RANBP10: variants seen among roughly 807,000 people sequenced by gnomAD.
RANBP10 encodes the protein RAN binding protein 10.
Under a neutral mutation model 72.8 loss-of-function variants are expected in RANBP10, and 24 were observed. The observed-to-expected ratio is 0.33, with a 90% CI of 0.24 to 0.46. RANBP10 has a LOEUF of 0.46. Ranked by LOEUF, RANBP10 falls within the 20% of genes least tolerant of loss-of-function variation. The pLI, the probability that RANBP10 is intolerant of heterozygous loss-of-function variation, is 1.00. For missense variants in RANBP10, 679 were observed against 817.5 expected, an observed-to-expected ratio of 0.83 and a Z score of 2.07; for synonymous variants, 310 against 322.3, an observed-to-expected ratio of 0.96 and a Z score of 0.41.
chr16:67,735,971 C>T (rs2053838746), intron 5 of RANBP10, among the ~76,000 whole-genome samples: 1 of 152,098 alleles, frequency 6.6e-6, no homozygotes, highest in Non-Finnish European at 1.5e-5. Flanking sequence ...AGGCTCCCTG[C>T]TTTCCACCTA....
chr16:67,750,444 C>A (rs1472523247), intron 3 of RANBP10, among the ~76,000 whole-genome samples: 2 of 152,198 alleles, frequency 1.3e-5, no homozygotes, highest in Non-Finnish European at 2.9e-5. Flanking sequence ...CTGCCTGGTG[C>A]CTACCAAACC....
chr16:67,755,245 C>A (rs571625367), intron 3 of RANBP10, among the ~76,000 whole-genome samples: 17 of 152,272 alleles, frequency 1.1e-4, no homozygotes, highest in Admixed American at 1.0e-3. Flanking sequence ...CACCCTGAAG[C>A]CAAAGTCAGC....
At chr16:67,776,954 G>A (rs911037735) in intron 2 of RANBP10, among the ~76,000 whole-genome samples, 22 of 149,476 alleles carry the variant, frequency 1.5e-4, no homozygotes, top group African/African-American at 4.4e-4. Flanking sequence ...GCTCACGCCT[G>A]TAATCCTAGC....
At chr16:67,728,071 G>A (rs561143334) in intron 11 of RANBP10, among the ~76,000 whole-genome samples, 175 bp from the exon 12 acceptor site, 4 of 152,240 alleles carry the variant, frequency 2.6e-5, no homozygotes, top group Non-Finnish European at 5.9e-5. Context: ...TTCACCTGGC[G>A]CACAGTCTAG....
intron 3 of RANBP10, among the ~76,000 whole-genome samples, chr16:67,769,193 G>A (rs553272640): frequency 1.3e-4 from 20 of 152,138 alleles, no homozygotes; most frequent in Middle Eastern, 3.4e-3. Context: ...TGTAATCTCA[G>A]CACTTTGGGA....
At position 67,727,350 on chromosome 16, in the gene RANBP10, G is replaced by A. The variant is rs1214810977; in HGVS notation, c.1709C>T (p.Ala570Val). 12 of 1,613,124 alleles carry A rather than the reference G, an allele frequency of 7.4e-6. No homozygotes were observed. Among genetic ancestry groups the A allele is most frequent in the Non-Finnish European group, 1.0e-5 (12 of 1,179,784 alleles). Residue 570 changes from alanine to valine, a missense_variant, in exon 13 of 14, where the codon GCT becomes GTT. Coordinates refer to ENST00000317506, the MANE Select transcript of RANBP10 (RefSeq NM_020850.3). ...ACCTAAAATGGCGCTGTTGAGGGCA[G>A]CACACACAGGTTCCCTCTGGATGGG... ...LDPIQREPVC[A>V]ALNSAILESQ...
intron 3 of RANBP10, among the ~76,000 whole-genome samples, chr16:67,765,842 T>C (rs979961053): frequency 1.3e-5 from 2 of 151,412 alleles, no homozygotes; most frequent in Admixed American, 6.6e-5. Context: ...TCTAAATAAA[T>C]AAATTATAAT....
intron 3 of RANBP10, among the ~76,000 whole-genome samples, chr16:67,768,768 T>C (rs1455038994): frequency 6.6e-6 from 1 of 152,178 alleles, no homozygotes; most frequent in Non-Finnish European, 1.5e-5. Context: ...ACACATGGCG[T>C]AACAGACCAC....
At chr16:67,802,849 C>T (rs1210016139) in intron 2 of RANBP10, among the ~76,000 whole-genome samples, 1 of 152,002 alleles carries the variant, frequency 6.6e-6, no homozygotes, top group Non-Finnish European at 1.5e-5. Flanking sequence ...CATAGCCAGA[C>T]CTCATCTCTC....
At chr16:67,750,033 CAAT>C (rs1046112520) in intron 3 of RANBP10, among the ~76,000 whole-genome samples, 5 of 152,332 alleles carry the variant, frequency 3.3e-5, no homozygotes, top group African/African-American at 1.2e-4. Context: ...TAACTGACAA[CAAT>C]GTGGCAACCT....
At chr16:67,758,875 G>A (rs1157298124) in intron 3 of RANBP10, among the ~76,000 whole-genome samples, 2 of 152,252 alleles carry the variant, frequency 1.3e-5, no homozygotes, top group African/African-American at 2.4e-5. Flanking sequence ...TGCCTCGCTT[G>A]AAAAGGCTGC....
chr16:67,786,017 TA>T lies in RANBP10; in HGVS notation c.348-13932del, dbSNP rs111426578. On this transcript the variant is annotated intron_variant, in intron 2 of 13. Transcript: ENST00000317506. The stretch of plus-strand genomic sequence containing the variant: ...CCATCTCAAAAAAAATAATAATAAT[TA>T]AAAAAAAAAAAAGACATCATCAAGA... 5.4e-3 allele frequency among the ~76,000 whole-genome samples: 728 copies of T among 135,526 alleles called. 5 individuals are homozygous for T. Among genetic ancestry groups the T allele is most frequent in the African/African-American group, 0.014 (512 of 36,760 alleles). 88.9% of individuals were successfully genotyped at this position (135,526 alleles called of 152,430 possible).
intron 2 of RANBP10, among the ~76,000 whole-genome samples, chr16:67,792,039 C>G (rs1489257123): frequency 1.4e-5 from 2 of 145,344 alleles, no homozygotes; most frequent in African/African-American, 5.1e-5. Flanking sequence ...AGTGAGACTC[C>G]GTCTCAAAAA....
chr16:67,777,363 C>T (rs2054725918), intron 2 of RANBP10, among the ~76,000 whole-genome samples: 2 of 151,978 alleles, frequency 1.3e-5, no homozygotes, highest in Admixed American at 6.6e-5. Flanking sequence ...GGTAAAACCC[C>T]GTCTCTACTA....
chr16:67,793,183 G>A (rs901752660), intron 2 of RANBP10, among the ~76,000 whole-genome samples: 8 of 152,102 alleles, frequency 5.3e-5, no homozygotes, highest in Non-Finnish European at 8.8e-5. Flanking sequence ...GTGTAATTAC[G>A]GAGCTGAAGC....
intron 2 of RANBP10, among the ~76,000 whole-genome samples, chr16:67,786,343 A>T (rs76160073): frequency 0.029 from 4,448 of 152,230 alleles, 94 homozygotes; most frequent in Middle Eastern, 0.16. Context: ...AAATAAAAAT[A>T]AAAATAAAAA....
At chr16:67,727,615 G>T in intron 12 of RANBP10, 136 bp downstream of exon 12, 1 of 1,413,748 alleles carries the variant, frequency 7.1e-7, no homozygotes, top group Non-Finnish European at 9.7e-7. Context: ...TGTCCAGTGG[G>T]CCCAGATGCC....
At chr16:67,732,528 T>C (rs907838126) in intron 6 of RANBP10, among the ~76,000 whole-genome samples, 3 of 152,052 alleles carry the variant, frequency 2.0e-5, no homozygotes, top group Non-Finnish European at 4.4e-5. Flanking sequence ...CTTTAAGGGG[T>C]AAATGAGATA....
chr16:67,794,935 AAAAAAAAAAAC>A (rs1452738128), intron 2 of RANBP10, among the ~76,000 whole-genome samples: 2 of 148,940 alleles, frequency 1.3e-5, no homozygotes, highest in Non-Finnish European at 1.5e-5. Flanking sequence ...CAAATTAAAA[AAAAAAAAAAAC>A]AAAAAAAAAA....
Sources: allele counts gnomAD v4.1 joint callset (sites outside exome capture counted in the v4.1 genomes callset), GRCh38; gene constraint gnomAD v4.1.1; transcripts MANE v1.5; gene names NCBI Gene and HGNC (gene_info 2026-07-23, HGNC 2026-07-21).